Variants in ARHGEF38 observed in about 807,000 individuals in gnomAD.
ARHGEF38 encodes the protein Rho guanine nucleotide exchange factor (GEF) 38.
Under a neutral mutation model 79.9 loss-of-function variants are expected in ARHGEF38, and 79 were observed. The observed-to-expected ratio is 0.99, with a 90% CI of 0.82 to 1.19. The LOEUF (loss-of-function observed/expected upper bound fraction) is 1.19, where lower values mean the gene tolerates loss of function less well. Among genes scored for constraint, ARHGEF38 ranks in the 50% most tolerant of loss-of-function variants. ARHGEF38 has a pLI of 0.00. For missense variants in ARHGEF38, 962 were observed against 907.2 expected, an observed-to-expected ratio of 1.06 and a Z score of -0.78; for synonymous variants, 366 against 328.3, an observed-to-expected ratio of 1.11 and a Z score of -1.24.
At chr4:105,668,361 T>C (rs954125093) in intron 13 of ARHGEF38, among the ~76,000 whole-genome samples, 3 of 152,058 alleles carry the variant, frequency 2.0e-5, no homozygotes, top group African/African-American at 4.8e-5. Flanking sequence ...TTTGTATTTT[T>C]AGTAGAGTTT....
At chr4:105,665,360 G>A (rs1045827125) in intron 10 of ARHGEF38, among the ~76,000 whole-genome samples, 5 of 151,886 alleles carry the variant, frequency 3.3e-5, no homozygotes, top group Non-Finnish European at 7.4e-5. Flanking sequence ...AGCTGGGCGT[G>A]GTGATGCGTG....
chr4:105,655,496 C>G (rs1730282817), intron 8 of ARHGEF38, 107 bp from the exon 9 acceptor site: 2 of 1,135,650 alleles, frequency 1.8e-6, no homozygotes, highest in Admixed American at 2.8e-5. Flanking sequence ...TTTAAATAAC[C>G]TCTCAGTGAT....
In ARHGEF38 at chr4:105,589,266, GT is replaced by G; in HGVS notation, c.216del (p.Glu73SerfsTer4). 1 of 1,613,482 alleles carries G rather than the reference GT, an allele frequency of 6.2e-7. No individual in the cohort carries two copies. The highest frequency in any genetic ancestry group is 8.5e-7 in the Non-Finnish European group (1 of 1,179,822). On this transcript the variant is annotated frameshift_variant, in exon 2 of 14. Coordinates refer to ENST00000420470, the MANE Select transcript of ARHGEF38 (RefSeq NM_001242729.2). LOFTEE classifies it high-confidence loss of function. The part of the protein sequence containing the change: ...QKLQEKMTPQ[G>X]ECSVAETLTP... ...TTAACAGAAAAGATGACTCCACAGG[GT>G]GAGTGTTCTGTAGCTGAGACCTTAA...
At chr4:105,616,424 G>A (rs1004588297) in intron 3 of ARHGEF38, among the ~76,000 whole-genome samples, 5 of 152,116 alleles carry the variant, frequency 3.3e-5, no homozygotes, top group African/African-American at 1.2e-4. Flanking sequence ...AGACAAAGGG[G>A]AAGCAAAGAC....
chr4:105,573,145 C>A (rs1377616730), intron 1 of ARHGEF38, among the ~76,000 whole-genome samples: 1 of 152,052 alleles, frequency 6.6e-6, no homozygotes, highest in Non-Finnish European at 1.5e-5. Flanking sequence ...GGGTGTTAAT[C>A]TTTTATCAGA....
At chr4:105,570,736 C>A (rs933266544) in intron 1 of ARHGEF38, among the ~76,000 whole-genome samples, 1 of 152,126 alleles carries the variant, frequency 6.6e-6, no homozygotes, top group Non-Finnish European at 1.5e-5. Flanking sequence ...ATCTACAATT[C>A]AAGATGAGAT....
intron 1 of ARHGEF38, among the ~76,000 whole-genome samples, chr4:105,587,428 G>C (rs1320202163): frequency 6.6e-6 from 1 of 152,144 alleles, no homozygotes; most frequent in African/African-American, 2.4e-5. Context: ...TAGATTATCT[G>C]TTCTTATATA....
chr4:105,573,724 A>G (rs964901742), intron 1 of ARHGEF38, among the ~76,000 whole-genome samples: 1 of 149,608 alleles, frequency 6.7e-6, no homozygotes, highest in Non-Finnish European at 1.5e-5. Context: ...GATGCCATGT[A>G]AGTTTTAGGA....
chr4:105,552,979 A>G lies in ARHGEF38; in HGVS notation c.196+18A>G, dbSNP rs1174386961. The G allele has an allele frequency of 5.6e-6, 9 of 1,594,156 alleles. No individual in the cohort carries two copies. The highest frequency in any genetic ancestry group is 7.7e-6 in the Non-Finnish European group (9 of 1,169,074). On this transcript the variant is annotated intron_variant, in intron 1 of 13. Transcript: ENST00000420470. The stretch of plus-strand genomic sequence containing the variant: ...ATTACAAGGTAACCAAAAAGAAATC[A>G]ATTGTCCCAGTTACTGCACTCCCAG...
At chr4:105,647,172 A>G (rs1399713076) in intron 6 of ARHGEF38, among the ~76,000 whole-genome samples, 1 of 152,140 alleles carries the variant, frequency 6.6e-6, no homozygotes, top group African/African-American at 2.4e-5. Context: ...CAAAGTTTTG[A>G]AGAGTAAAAT....
chr4:105,654,217 C>CA, intron 8 of ARHGEF38, 48 bp downstream of exon 8: 1 of 1,090,912 alleles, frequency 9.2e-7, no homozygotes. Flanking sequence ...ACATCTGATA[C>CA]AAACCATTGA....
chr4:105,660,284 G>A (rs1730509501), intron 10 of ARHGEF38, among the ~76,000 whole-genome samples: 1 of 152,006 alleles, frequency 6.6e-6, no homozygotes, highest in African/African-American at 2.4e-5. Context: ...TGCATTTAGT[G>A]CTTTCTCATG....
intron 1 of ARHGEF38, among the ~76,000 whole-genome samples, chr4:105,557,864 C>G (rs181508390): frequency 6.6e-6 from 1 of 152,122 alleles, no homozygotes; most frequent in East Asian, 1.9e-4. Flanking sequence ...TTACCTTTAT[C>G]CTCTATGGCC....
chr4:105,631,045 AG>A lies in ARHGEF38; in HGVS notation c.656+1del, dbSNP rs1424525472. On this transcript the variant is annotated splice_donor_variant, in intron 4 of 13. Transcript: ENST00000420470. LOFTEE classifies it high-confidence loss of function. ...TTGAGCCACTGTATCCAGTCCTTAA[AG>A]TAAGGCCTTTTCAAATGATGATTCC... 5.0e-6 allele frequency: 8 copies of A among 1,604,406 alleles called. No individual in the cohort carries two copies. The highest frequency in any genetic ancestry group is 6.8e-6 in the Non-Finnish European group (8 of 1,177,092).
intron 6 of ARHGEF38, among the ~76,000 whole-genome samples, chr4:105,646,247 GT>G (rs1424407254): frequency 6.6e-6 from 1 of 152,184 alleles, no homozygotes; most frequent in Non-Finnish European, 1.5e-5. Flanking sequence ...AAAAGTAAAT[GT>G]TATGGAGTAA....
intron 3 of ARHGEF38, among the ~76,000 whole-genome samples, chr4:105,622,786 G>A (rs1164843752): frequency 1.3e-5 from 2 of 152,088 alleles, no homozygotes; most frequent in Non-Finnish European, 2.9e-5. Context: ...TCTTCAGAAG[G>A]CTTTTGTCAT....
intron 2 of ARHGEF38, among the ~76,000 whole-genome samples, chr4:105,609,130 T>G (rs1728179850): frequency 6.6e-6 from 1 of 152,102 alleles, no homozygotes; most frequent in Non-Finnish European, 1.5e-5. Context: ...CTGGTAACTT[T>G]ACAATTTCAG....
chr4:105,655,357 T>C (rs1730277859), intron 8 of ARHGEF38, among the ~76,000 whole-genome samples: 1 of 152,196 alleles, frequency 6.6e-6, no homozygotes, highest in African/African-American at 2.4e-5. Flanking sequence ...GAATTTAAGA[T>C]GGACTGTTTA....
chr4:105,664,444 T>C lies in ARHGEF38; in HGVS notation c.1546-1733T>C, dbSNP rs140595710. 1.5e-3 allele frequency among the ~76,000 whole-genome samples: 224 copies of C among 152,338 alleles called. 2 individuals are homozygous for C. The highest frequency in any genetic ancestry group is 5.2e-3 in the African/African-American group (218 of 41,574). ...CATTATTAATACACTTTAGGTATAA[T>C]ACATTCCACTACGAAAAATGAGGAT... On this transcript the variant is annotated intron_variant, in intron 10 of 13. Coordinates refer to ENST00000420470, the MANE Select transcript of ARHGEF38 (RefSeq NM_001242729.2).
Sources: gnomAD v4.1 joint callset for allele counts (sites outside exome capture counted in the v4.1 genomes callset) on GRCh38, gnomAD v4.1.1 for gene constraint, MANE v1.5 for transcripts, NCBI Gene and HGNC (gene_info 2026-07-23, HGNC 2026-07-21) for gene names.